Variants in GPATCH8 observed in about 807,000 individuals in gnomAD.
GPATCH8 encodes G-patch domain containing 8.
A neutral mutation model predicts 118.3 loss-of-function variants in GPATCH8; 18 were observed. That is an observed-to-expected ratio of 0.15 (90% CI 0.11 to 0.23). The LOEUF is 0.23. GPATCH8 is among the 10% of genes least tolerant of loss of function. The pLI, the probability that GPATCH8 is intolerant of heterozygous loss-of-function variation, is 1.00. For synonymous variants in GPATCH8, 659 were observed against 684.7 expected, an observed-to-expected ratio of 0.96 and a Z score of 0.59; for missense variants, 1,631 against 1,873.8, an observed-to-expected ratio of 0.87 and a Z score of 2.39.
intron 1 of GPATCH8, among the ~76,000 whole-genome samples, chr17:44,488,350 A>C (rs1420968112): frequency 6.8e-6 from 1 of 148,054 alleles, no homozygotes; most frequent in African/African-American, 2.5e-5. Context: ...GTGCACCACC[A>C]CGCCAGACCA....
chr17:44,413,301 C>T (rs1387430856), intron 6 of GPATCH8, among the ~76,000 whole-genome samples: 1 of 152,170 alleles, frequency 6.6e-6, no homozygotes, highest in Non-Finnish European at 1.5e-5. Flanking sequence ...GACAGAGTCT[C>T]CCTCTATCAC....
Position 44,400,194 on chromosome 17 carries a change from C to G in GPATCH8, c.1883G>C (p.Gly628Ala), listed in dbSNP as rs1211325834. The change falls in exon 8 of 8, where the codon GGC becomes GCC. Residue 628 changes from glycine (G) to alanine (A), a missense_variant. This residue lies in a region of GPATCH8 where 922 missense variants were observed against 879.7 expected (regional missense o/e 1.05). Transcript: ENST00000591680. ...CCCTGAAGCAGGTGCGTCCATTCTG[C>G]CTCCTGAGGAACGTACTATTTTCTC... is the stretch of plus-strand genomic sequence containing the variant. ...GGEKIVRSSG[G>A]RMDAPASGSA... is the part of the protein sequence containing the mutation. 6.2e-7 allele frequency: 1 copy of G among 1,614,136 alleles called. No individual in the cohort carries two copies. The highest frequency in any genetic ancestry group is 1.7e-5 in the Admixed American group (1 of 60,028).
intron 6 of GPATCH8, among the ~76,000 whole-genome samples, chr17:44,422,427 T>C (rs2049941150): frequency 6.6e-6 from 1 of 152,090 alleles, no homozygotes; most frequent in Non-Finnish European, 1.5e-5. Context: ...TGGGCTCAAG[T>C]GATCCTCCTG....
chr17:44,423,011 G>A (rs543701571), intron 6 of GPATCH8, among the ~76,000 whole-genome samples: 37 of 151,792 alleles, frequency 2.4e-4, no homozygotes, highest in African/African-American at 8.9e-4. Flanking sequence ...GCTCACACCT[G>A]TAATCCCAGC....
chr17:44,464,307 A>G (rs1398275761), intron 3 of GPATCH8, among the ~76,000 whole-genome samples, 165 bp downstream of exon 3: 1 of 152,228 alleles, frequency 6.6e-6, no homozygotes, highest in Non-Finnish European at 1.5e-5. Context: ...GAGGCTTAAC[A>G]GTGACTTAAA....
At chr17:44,427,647 A>T (rs1268227035) in intron 5 of GPATCH8, among the ~76,000 whole-genome samples, 1 of 152,196 alleles carries the variant, frequency 6.6e-6, no homozygotes, top group Non-Finnish European at 1.5e-5. Context: ...AACTCAATAG[A>T]AGTAAAAAGA....
intron 3 of GPATCH8, among the ~76,000 whole-genome samples, chr17:44,454,950 T>C (rs1181209488): frequency 5.3e-5 from 8 of 152,198 alleles, no homozygotes; most frequent in African/African-American, 1.9e-4. Context: ...CCCATTTAAT[T>C]AGCAGGAAAC....
At chr17:44,412,022 A>G (rs994644216) in intron 6 of GPATCH8, among the ~76,000 whole-genome samples, 2 of 152,144 alleles carry the variant, frequency 1.3e-5, no homozygotes, top group Non-Finnish European at 2.9e-5. Flanking sequence ...TCCCAGGTTC[A>G]AGGGATTCTC....
intron 5 of GPATCH8, 44 bp from the exon 6 acceptor site, chr17:44,424,536 T>A (rs1373973873): frequency 6.9e-7 from 1 of 1,441,258 alleles, no homozygotes; most frequent in South Asian, 1.1e-5. Flanking sequence ...ATGAACTTGG[T>A]AAAACTTTAA....
At chr17:44,423,801 A>C (rs1003254872) in intron 6 of GPATCH8, among the ~76,000 whole-genome samples, 2 of 152,208 alleles carry the variant, frequency 1.3e-5, no homozygotes, top group Non-Finnish European at 2.9e-5. Context: ...AGTGTAATTC[A>C]TTTATCAGCT....
intron 7 of GPATCH8, among the ~76,000 whole-genome samples, chr17:44,403,080 T>TTTTA (rs991526593): frequency 6.6e-6 from 1 of 152,004 alleles, no homozygotes; most frequent in East Asian, 1.9e-4. Flanking sequence ...TGCTGGCTAA[T>TTTTA]TTTATTTATT....
rs1265890980 is a variant in GPATCH8, at chr17:44,396,234, TC to T, written c.*1333del. The T allele has an allele frequency of 1.1e-5, 5 of 454,072 alleles. No individual in the cohort carries two copies. The highest frequency in any genetic ancestry group is 2.0e-5 in the African/African-American group (1 of 49,876). The allele number at this position is 454,072 out of a possible 1,614,324, so 28.1% of individuals were successfully genotyped here. On this transcript the variant is annotated 3_prime_UTR_variant, in exon 8 of 8. Transcript: ENST00000591680. Reference sequence around the variant, plus strand: ...CAAGGTACCCAGGGAAACCCAGGAATCCCCCCAGACAATCACCAAATCTCAC... The same window carrying T: ...CAAGGTACCCAGGGAAACCCAGGAATCCCCCAGACAATCACCAAATCTCAC...
chr17:44,415,159 A>G (rs967753958), intron 6 of GPATCH8, among the ~76,000 whole-genome samples: 7 of 152,194 alleles, frequency 4.6e-5, no homozygotes, highest in Non-Finnish European at 4.4e-5. Context: ...TCTTTTCACT[A>G]TCTCATCAGC....
chr17:44,454,467 A>C (rs2051251490), intron 3 of GPATCH8, among the ~76,000 whole-genome samples: 1 of 152,214 alleles, frequency 6.6e-6, no homozygotes, highest in Non-Finnish European at 1.5e-5. Flanking sequence ...CTCACATTTA[A>C]GGTCTTTTCA....
intron 3 of GPATCH8, among the ~76,000 whole-genome samples, chr17:44,442,870 G>A (rs942585657): frequency 6.6e-5 from 10 of 152,190 alleles, no homozygotes; most frequent in Non-Finnish European, 1.5e-4. Flanking sequence ...TTGAGGACAG[G>A]AGTTTGAGAC....
chr17:44,444,869 A>G (rs902288346), intron 3 of GPATCH8, among the ~76,000 whole-genome samples: 18 of 152,252 alleles, frequency 1.2e-4, no homozygotes, highest in Admixed American at 9.2e-4. Context: ...AATGGCATTT[A>G]GTTAAAAAGC....
intron 6 of GPATCH8, among the ~76,000 whole-genome samples, chr17:44,417,661 C>T (rs2049737685): frequency 6.6e-6 from 1 of 152,128 alleles, no homozygotes; most frequent in African/African-American, 2.4e-5. Flanking sequence ...CAGTATCAGT[C>T]AGAAGCCACG....
intron 6 of GPATCH8, among the ~76,000 whole-genome samples, chr17:44,411,607 C>T (rs949848623): frequency 6.6e-6 from 1 of 152,074 alleles, no homozygotes; most frequent in Non-Finnish European, 1.5e-5. Context: ...CACTAAAATC[C>T]CATGTTCTAC....
intron 5 of GPATCH8, among the ~76,000 whole-genome samples, chr17:44,428,401 G>A (rs988661621): frequency 1.1e-4 from 16 of 151,998 alleles, no homozygotes; most frequent in African/African-American, 3.4e-4. Flanking sequence ...GCTGAGGCAC[G>A]AGAATCACTT....
Sources: allele counts gnomAD v4.1 joint callset (sites outside exome capture counted in the v4.1 genomes callset), GRCh38; gene constraint gnomAD v4.1.1; regional missense constraint gnomAD v4.1.1; transcripts MANE v1.5; gene names NCBI Gene and HGNC (gene_info 2026-07-23, HGNC 2026-07-21).